EVI5: variants seen among roughly 807,000 people sequenced by gnomAD.
EVI5 encodes the protein ecotropic viral integration site 5 protein homolog.
EVI5 carries 73 observed loss-of-function variants against 112.0 expected under a neutral mutation model. The observed-to-expected ratio is 0.65, with a 90% CI of 0.54 to 0.79. The LOEUF (loss-of-function observed/expected upper bound fraction) is 0.79. EVI5 is among the 30% of genes least tolerant of loss of function. EVI5 has a pLI of 0.00. For missense variants in EVI5, 900 were observed against 968.8 expected (o/e 0.93, Z 0.94); for synonymous variants, 305 against 319.9 (o/e 0.95, Z 0.50).
Position 92,704,610 on chromosome 1 carries a change from C to T in EVI5, c.284G>A (p.Gly95Glu), listed in dbSNP as rs777462382. The change falls in exon 3 of 20, where the codon GGA becomes GAA. Residue 95 changes from glycine to glutamate, a missense_variant. Coordinates refer to ENST00000684568, the MANE Select transcript of EVI5 (RefSeq NM_001350197.2). ...ATCTTCCCATTCATTAACAATTCTTCCCCAAAGAATCCAAGAATCTTCTTC... is the reference window on the plus strand; with the variant it reads ...ATCTTCCCATTCATTAACAATTCTTTCCCAAAGAATCCAAGAATCTTCTTC... ...HLEEDSWILW[G>E]RIVNEWEDVR... The T allele has an allele frequency of 6.3e-7, 1 of 1,596,156 alleles. No homozygotes were observed.
At chr1:92,551,950 T>G (rs1404587674) in intron 19 of EVI5, among the ~76,000 whole-genome samples, 2 of 152,184 alleles carry the variant, frequency 1.3e-5, no homozygotes. Flanking sequence ...AAAGAGTAAT[T>G]GTTGGGACCA....
At chr1:92,548,580 T>G (rs1181548596) in intron 19 of EVI5, among the ~76,000 whole-genome samples, 3 of 152,186 alleles carry the variant, frequency 2.0e-5, no homozygotes, top group Non-Finnish European at 2.9e-5. Context: ...ATGACATGAT[T>G]GTATATTTAG....
At chr1:92,652,043 G>C (rs900833620) in intron 13 of EVI5, among the ~76,000 whole-genome samples, 1 of 152,092 alleles carries the variant, frequency 6.6e-6, no homozygotes, top group East Asian at 1.9e-4. Context: ...GATACTTATA[G>C]GGCAATGTTC....
chr1:92,543,881 C>A (rs7515577), intron 19 of EVI5, among the ~76,000 whole-genome samples: 129,692 of 152,248 alleles, frequency 0.85, 55,619 homozygotes, highest in East Asian at 0.97. Flanking sequence ...CAAACCTTCA[C>A]TTTGTAAAAA....
chr1:92,639,035 A>G lies in EVI5; in HGVS notation c.1393-2699T>C, dbSNP rs372284441. On this transcript the variant is annotated intron_variant, in intron 13 of 19. Coordinates refer to ENST00000684568, the MANE Select transcript of EVI5 (RefSeq NM_001350197.2). ...GTTTTACCAAATGACAACTGCCACA[A>G]TTATGATGGCTGGCAGTCTCAGCAA... 1.1e-4 allele frequency among the ~76,000 whole-genome samples: 17 copies of G among 152,264 alleles called. No homozygotes were observed. The East Asian group carries it at 2.7e-3, about 24-fold the overall frequency.
At chr1:92,732,088 T>G (rs1676576712) in intron 2 of EVI5, 2 of 161,242 alleles carry the variant, frequency 1.2e-5, no homozygotes, top group Non-Finnish European at 2.7e-5. Flanking sequence ...TGTGTGATAC[T>G]CAGGAATATT....
chr1:92,696,533 A>G (rs1020117122), intron 6 of EVI5, among the ~76,000 whole-genome samples: 4 of 152,018 alleles, frequency 2.6e-5, no homozygotes, highest in Admixed American at 2.0e-4. Flanking sequence ...GCTATCCAGG[A>G]GGCTGAGGGA....
At chr1:92,660,905 T>C (rs577405368) in intron 13 of EVI5, among the ~76,000 whole-genome samples, 2 of 152,154 alleles carry the variant, frequency 1.3e-5, no homozygotes, top group Admixed American at 6.5e-5. Flanking sequence ...TCAAGCTACA[T>C]ACCTACATTT....
chr1:92,614,567 A>ATC (rs1175382190), intron 16 of EVI5, among the ~76,000 whole-genome samples: 2 of 151,888 alleles, frequency 1.3e-5, no homozygotes. Flanking sequence ...AGCGAATATA[A>ATC]AGCAGGCAGA....
chr1:92,704,966 T>TA (rs35200521), intron 2 of EVI5, among the ~76,000 whole-genome samples: 30,368 of 152,102 alleles, frequency 0.2, 3,548 homozygotes, highest in Non-Finnish European at 0.26. Flanking sequence ...CAAATTACGT[T>TA]AAAAATTTTT....
intron 19 of EVI5, among the ~76,000 whole-genome samples, chr1:92,550,375 T>G: frequency 1.4e-5 from 2 of 146,600 alleles, no homozygotes; most frequent in South Asian, 4.6e-4. Context: ...AGGGATAGCA[T>G]TAGGAGATAT....
At chr1:92,726,069 T>C (rs1558153705) in intron 2 of EVI5, among the ~76,000 whole-genome samples, 2 of 152,158 alleles carry the variant, frequency 1.3e-5, no homozygotes, top group African/African-American at 4.8e-5. Context: ...CAGTGAGCTG[T>C]GGAACAACTT....
intron 19 of EVI5, among the ~76,000 whole-genome samples, chr1:92,534,512 G>A (rs1043413200): frequency 1.3e-4 from 20 of 152,072 alleles, no homozygotes; most frequent in Admixed American, 1.2e-3. Context: ...AAGGTATCAC[G>A]CTACCTGACT....
intron 19 of EVI5, among the ~76,000 whole-genome samples, chr1:92,531,157 C>A (rs1662801207): frequency 6.6e-6 from 1 of 151,444 alleles, no homozygotes; most frequent in African/African-American, 2.4e-5. Flanking sequence ...GTATCAATAG[C>A]CAAACAGATC....
intron 2 of EVI5, among the ~76,000 whole-genome samples, chr1:92,716,418 C>T (rs1673695052): frequency 6.6e-6 from 1 of 152,192 alleles, no homozygotes; most frequent in South Asian, 2.1e-4. Flanking sequence ...AAAGGAATAG[C>T]ATCAACATCA....
intron 1 of EVI5, chr1:92,792,220 T>C (rs184408642): frequency 2.7e-4 from 173 of 640,226 alleles, no homozygotes; most frequent in Middle Eastern, 2.1e-3. Context: ...TAACAAGCTG[T>C]TCCTGTGTTT....
intron 1 of EVI5, among the ~76,000 whole-genome samples, chr1:92,748,851 G>A (rs1679742281): frequency 6.6e-6 from 1 of 152,076 alleles, no homozygotes; most frequent in African/African-American, 2.4e-5. Flanking sequence ...CAGATCACCT[G>A]AGGTCGGGAG....
In EVI5 at chr1:92,546,020, A is replaced by G. The variant is rs560879192; in HGVS notation, c.2166+17622T>C. Among the ~76,000 whole-genome samples the G allele has an allele frequency of 5.9e-5, 9 of 152,168 alleles. No individual in the cohort carries two copies. In the East Asian group the frequency reaches 1.7e-3, roughly 29 times the overall value. ...CTAGGCCATGGTGCCGTGTGATTCT[A>G]CTACAGTACTGCCCACACGAACTGC... On this transcript the variant is annotated intron_variant, in intron 19 of 19. Transcript: ENST00000684568.
At chr1:92,594,699 T>A (rs1248687469) in intron 18 of EVI5, among the ~76,000 whole-genome samples, 3 of 150,636 alleles carry the variant, frequency 2.0e-5, no homozygotes, top group East Asian at 3.9e-4. Context: ...GAATCTACAA[T>A]GAACTCAAAC....
Sources: allele counts gnomAD v4.1 joint callset (sites outside exome capture counted in the v4.1 genomes callset), GRCh38; gene constraint gnomAD v4.1.1; transcripts MANE v1.5; gene names NCBI Gene and HGNC (gene_info 2026-07-23, HGNC 2026-07-21).